HSD17B12: variants seen among roughly 807,000 people sequenced by gnomAD.
The protein encoded by HSD17B12 is hydroxysteroid 17-beta dehydrogenase 12, also known as very-long-chain 3-oxoacyl-CoA reductase.
HSD17B12 carries 32 observed loss-of-function variants against 39.3 expected under a neutral mutation model. That is an observed-to-expected ratio of 0.81 (90% CI 0.61 to 1.09). HSD17B12 has a LOEUF of 1.09. Ranked by LOEUF, HSD17B12 falls within the 50% of genes least tolerant of loss-of-function variation. HSD17B12 has a pLI of 0.00. For synonymous variants in HSD17B12, 150 were observed against 146.7 expected, an observed-to-expected ratio of 1.02 and a Z score of -0.16; for missense variants, 342 against 382.9, an observed-to-expected ratio of 0.89 and a Z score of 0.89.
At chr11:43,758,684 A>G (rs1027526334) in intron 3 of HSD17B12, among the ~76,000 whole-genome samples, 19 of 152,170 alleles carry the variant, frequency 1.2e-4, no homozygotes, top group Admixed American at 9.2e-4. Context: ...TTTTTATTCT[A>G]TAAGTGCTCC....
At chr11:43,681,021 G>C in intron 1 of HSD17B12, 34 bp downstream of exon 1, 1 of 1,552,104 alleles carries the variant, frequency 6.4e-7, no homozygotes, top group South Asian at 1.2e-5. Flanking sequence ...CCTCGCTCCC[G>C]CGGCGGCCCG....
chr11:43,561,135 A>G, the HSD17B12 span, among the ~76,000 whole-genome samples: 2 of 152,152 alleles, frequency 1.3e-5, no homozygotes, highest in African/African-American at 4.8e-5. Context: ...ACCACTTTCA[A>G]GCTTGGTCCC....
At chr11:43,835,935 T>C (rs935533122) in intron 7 of HSD17B12, among the ~76,000 whole-genome samples, 4 of 152,206 alleles carry the variant, frequency 2.6e-5, no homozygotes, top group Admixed American at 2.0e-4. Context: ...TTATTATCTT[T>C]AAATGACTTT....
intron 9 of HSD17B12, among the ~76,000 whole-genome samples, chr11:43,849,330 C>T (rs1951509555): frequency 6.6e-6 from 1 of 151,008 alleles, no homozygotes; most frequent in South Asian, 2.1e-4. Context: ...ACAAAAAAAT[C>T]CAGTTACTTC....
chr11:43,636,529 G>C, the HSD17B12 span, among the ~76,000 whole-genome samples: 1 of 151,500 alleles, frequency 6.6e-6, no homozygotes. Flanking sequence ...ATGAATAAAT[G>C]GTCTTCTTTA....
the HSD17B12 span, among the ~76,000 whole-genome samples, chr11:43,603,720 G>A: frequency 1.1e-4 from 16 of 152,102 alleles, no homozygotes; most frequent in African/African-American, 3.6e-4. Context: ...GCTGATTGAG[G>A]TTTTGGTTCT....
chr11:43,635,381 G>A, the HSD17B12 span, among the ~76,000 whole-genome samples: 1 of 152,158 alleles, frequency 6.6e-6, no homozygotes, highest in Non-Finnish European at 1.5e-5. Flanking sequence ...TAAACTAATA[G>A]AGAATGAAAA....
At chr11:43,705,758 CCTCTTTTTTTTTTT>C (rs1950008129) in intron 1 of HSD17B12, among the ~76,000 whole-genome samples, 1 of 104,764 alleles carries the variant, frequency 9.5e-6, no homozygotes, top group African/African-American at 3.5e-5. Flanking sequence ...TTTCCTCTCT[CCTCTTTTTTTTTTT>C]TTTTTTTTTT....
At chr11:43,760,531 T>C (rs1282881054) in intron 3 of HSD17B12, among the ~76,000 whole-genome samples, 1 of 152,198 alleles carries the variant, frequency 6.6e-6, no homozygotes, top group Non-Finnish European at 1.5e-5. Context: ...ATGCAATGCT[T>C]TTTTAGAAAT....
chr11:43,728,992 G>A (rs1357695853), intron 1 of HSD17B12, among the ~76,000 whole-genome samples: 1 of 152,112 alleles, frequency 6.6e-6, no homozygotes, highest in Non-Finnish European at 1.5e-5. Context: ...GCTATTATGT[G>A]TGCTATACAT....
the HSD17B12 span, among the ~76,000 whole-genome samples, chr11:43,589,810 G>T: frequency 6.6e-6 from 1 of 152,198 alleles, no homozygotes; most frequent in Admixed American, 6.5e-5. Context: ...GTGAGATTTA[G>T]GTTTTTTGCC....
At chr11:43,596,596 C>T in the HSD17B12 span, among the ~76,000 whole-genome samples, 2 of 151,990 alleles carry the variant, frequency 1.3e-5, no homozygotes, top group African/African-American at 4.8e-5. Flanking sequence ...TGATACCTGG[C>T]TAATTTTTTT....
At chr11:43,738,162 A>T (rs1950334142) in intron 1 of HSD17B12, among the ~76,000 whole-genome samples, 1 of 150,382 alleles carries the variant, frequency 6.6e-6, no homozygotes, top group Non-Finnish European at 1.5e-5. Flanking sequence ...TCACTGGCAC[A>T]TTATGAGTGA....
the HSD17B12 span, among the ~76,000 whole-genome samples, chr11:43,633,394 C>T: frequency 2.0e-5 from 3 of 151,842 alleles, no homozygotes; most frequent in South Asian, 2.1e-4. Context: ...TAGCAGGGTG[C>T]GGTGGCAGGC....
chr11:43,762,305 T>C (rs527359841), intron 3 of HSD17B12, among the ~76,000 whole-genome samples: 2 of 152,376 alleles, frequency 1.3e-5, no homozygotes, highest in South Asian at 4.1e-4. Flanking sequence ...TATAGAGTCC[T>C]ATAAATACTA....
the HSD17B12 span, among the ~76,000 whole-genome samples, chr11:43,588,188 T>C: frequency 3.8e-4 from 58 of 152,322 alleles, no homozygotes; most frequent in African/African-American, 1.3e-3. Flanking sequence ...ATTTTAGAAC[T>C]GATCAGCTAC....
intron 1 of HSD17B12, among the ~76,000 whole-genome samples, chr11:43,734,968 C>T (rs185386171): frequency 2.1e-4 from 32 of 152,308 alleles, no homozygotes; most frequent in African/African-American, 7.7e-4. Context: ...CACTAATCTG[C>T]TTTCTTCCTC....
chr11:43,575,375 AAC>A, the HSD17B12 span, among the ~76,000 whole-genome samples: 1 of 152,348 alleles, frequency 6.6e-6, no homozygotes, highest in East Asian at 1.9e-4. The surrounding 1 kb of genome is among the most constrained non-coding windows in gnomAD (Gnocchi z 4.1). Context: ...CTGCCCGACA[AAC>A]ACACAGAATT....
the HSD17B12 span, among the ~76,000 whole-genome samples, chr11:43,632,564 AAGAGTGGTAAGGGG>A: frequency 1.3e-5 from 2 of 152,116 alleles, no homozygotes; most frequent in South Asian, 4.2e-4. Context: ...ATTTATTTAG[AAGAGTGGTAAGGGG>A]AGGTGGCCAA....
Sources: gnomAD v4.1 joint callset for allele counts (sites outside exome capture counted in the v4.1 genomes callset) on GRCh38, gnomAD v4.1.1 for gene constraint, Gnocchi (gnomAD v3.1) non-coding constraint, MANE v1.5 for transcripts, NCBI Gene and HGNC (gene_info 2026-07-23, HGNC 2026-07-21) for gene names.